The following IQSEC3 variants were observed in gnomAD, a reference collection of about 807,000 sequenced individuals.
IQSEC3 encodes IQ motif and Sec7 domain ArfGEF 3, also known as IQ motif and SEC7 domain-containing protein 3.
Under a neutral mutation model 105.4 loss-of-function variants are expected in IQSEC3, and 50 were observed. That is an observed-to-expected ratio of 0.47 (90% confidence interval 0.38 to 0.60). The LOEUF is 0.60. Among genes scored for constraint, IQSEC3 ranks in the 20% least tolerant of loss-of-function variants. The probability of loss-of-function intolerance (pLI) is 0.00; values close to 1 mark genes in which losing one functional copy is unlikely to be tolerated. For missense variants in IQSEC3, 1,415 were observed against 1,630.0 expected, an observed-to-expected ratio of 0.87 and a Z score of 2.27; for synonymous variants, 708 against 746.0, an observed-to-expected ratio of 0.95 and a Z score of 0.83.
chr12:87,978 C>A lies in IQSEC3; in HGVS notation c.555-11168C>A, dbSNP rs550375167. Among the ~76,000 whole-genome samples the A allele has an allele frequency of 1.2e-4, 18 of 152,296 alleles. No homozygotes were observed. In the South Asian group the frequency reaches 2.1e-3, roughly 18 times the overall value. ...CAGGAAGGATTCCCGCAGGCTTCAC[C>A]GAAAGGAGGACTATGGCGGGCCCTT... On this transcript the variant is annotated intron_variant, in intron 1 of 13. Coordinates refer to ENST00000538872, the MANE Select transcript of IQSEC3 (RefSeq NM_001170738.2).
At chr12:108,995 A>C (rs1864778526) in intron 2 of IQSEC3, among the ~76,000 whole-genome samples, 1 of 152,246 alleles carries the variant, frequency 6.6e-6, no homozygotes, top group Non-Finnish European at 1.5e-5. Context: ...CGTCAGCTGC[A>C]AGGGTCGCCC....
At position 174,655 on chromosome 12, in the gene IQSEC3, G is replaced by C. The variant is rs759561059; in HGVS notation, c.3171G>C (p.Glu1057Asp). Residue 1057 changes from glutamate (E) to aspartate (D), a missense_variant, in exon 14 of 14, where the codon GAG (glutamate) becomes GAC (aspartate). Transcript: ENST00000538872. ...AGCACAACTCCGGGCTGGGGGCCGAGAGGGGAGCGCCGGTGCCGCCGCCAG... is the reference window on the plus strand; with the variant it reads ...AGCACAACTCCGGGCTGGGGGCCGACAGGGGAGCGCCGGTGCCGCCGCCAG... ...TSQHNSGLGA[E>D]RGAPVPPPDL... 1.9e-6 allele frequency: 3 copies of C among 1,587,764 alleles called. No homozygotes were observed. Among genetic ancestry groups the C allele is most frequent in the South Asian group, 2.2e-5 (2 of 89,958 alleles).
At chr12:125,435 G>A (rs1033072268) in intron 2 of IQSEC3, among the ~76,000 whole-genome samples, 198 bp from the exon 3 acceptor site, 10 of 152,244 alleles carry the variant, frequency 6.6e-5, no homozygotes, top group Middle Eastern at 3.4e-3. Context: ...GCCTCCCCAG[G>A]TGCGGGTTCT....
At chr12:82,359 G>A (rs12831682) in intron 1 of IQSEC3, among the ~76,000 whole-genome samples, 10,059 of 152,284 alleles carry the variant, frequency 0.066, 497 homozygotes, top group Middle Eastern at 0.14. Context: ...CTAATAAAAT[G>A]TGTAAAAGAT....
intron 1 of IQSEC3, among the ~76,000 whole-genome samples, chr12:74,249 C>G (rs1863433583): frequency 1.3e-5 from 2 of 152,290 alleles, no homozygotes; most frequent in Non-Finnish European, 2.9e-5. Context: ...CTTTTCAGAA[C>G]TCTGAGGTCA....
intron 1 of IQSEC3, among the ~76,000 whole-genome samples, chr12:87,247 T>C (rs2136896412): frequency 6.6e-6 from 1 of 152,172 alleles, no homozygotes; most frequent in South Asian, 2.1e-4. Flanking sequence ...GGGATGGCTG[T>C]TTGTTCCTTT....
chr12:103,579 T>A (rs1230497657), intron 2 of IQSEC3, among the ~76,000 whole-genome samples: 1 of 644 alleles, frequency 1.6e-3, no homozygotes, highest in Non-Finnish European at 2.5e-3. Flanking sequence ...CAGGGGGAGG[T>A]GGGGGCTCAG....
At chr12:130,218 C>G (rs1291314713) in intron 3 of IQSEC3, among the ~76,000 whole-genome samples, 1 of 152,214 alleles carries the variant, frequency 6.6e-6, no homozygotes, top group African/African-American at 2.4e-5. Flanking sequence ...CAGTGGTGGG[C>G]AGACACGGGG....
At position 138,736 on chromosome 12, in the gene IQSEC3, G is replaced by T. The variant is rs782319971; in HGVS notation, c.1373G>T (p.Ser458Ile). ...GLEAEGRAPE[S>I]AGPGPGDDAA... ...GAGGCCGAGGGGCGGGCGCCGGAGA[G>T]CGCGGGCCCCGGGCCCGGGGATGAC... is the stretch of plus-strand genomic sequence containing the variant. The change falls in exon 4 of 14, where the codon AGC (serine) becomes ATC (isoleucine). Residue 458 changes from serine (S) to isoleucine (I), a missense_variant. Physicochemically the swap from Ser to Ile is moderately radical, Grantham distance 142. This residue lies in a region of IQSEC3 where 720 missense variants were observed against 633.0 expected (regional missense o/e 1.14). Coordinates refer to ENST00000538872, the MANE Select transcript of IQSEC3 (RefSeq NM_001170738.2). The surrounding 1 kb of genome is among the most constrained non-coding windows in gnomAD (Gnocchi z 7.1). 2.9e-5 allele frequency: 44 copies of T among 1,511,306 alleles called. No homozygotes were observed. The highest frequency in any genetic ancestry group is 3.7e-5 in the Non-Finnish European group (42 of 1,135,058). The allele number at this position is 1,511,306 out of a possible 1,614,324, so 93.6% of individuals were successfully genotyped here.
rs548813156 is a variant in IQSEC3, at chr12:122,258, G to C, written c.624-3375G>C. On this transcript the variant is annotated intron_variant, in intron 2 of 13. Transcript: ENST00000538872. ...CTTGATAGGCCGGCCTCTGCCCTGG[G>C]ATTCAAGCTCCTAGAGTGTCCAAGC... 2.0e-5 allele frequency among the ~76,000 whole-genome samples: 3 copies of C among 152,330 alleles called. No individual in the cohort carries two copies. In the East Asian group the frequency reaches 5.8e-4, roughly 29 times the overall value.
In IQSEC3 at chr12:175,431, C is replaced by T. The variant is rs1037120375; in HGVS notation, c.*398C>T. ...GGCAGCAGCATGAGGCTGGGCCGGC[C>T]GGCAGTGGAGCACTAGACAGAGTGG... On this transcript the variant is annotated 3_prime_UTR_variant, in exon 14 of 14. Coordinates refer to ENST00000538872, the MANE Select transcript of IQSEC3 (RefSeq NM_001170738.2). The T allele has an allele frequency of 1.1e-5, 2 of 186,380 alleles. No individual in the cohort carries two copies. The highest frequency in any genetic ancestry group is 2.4e-5 in the African/African-American group (1 of 42,506). 11.5% of individuals were successfully genotyped at this position (186,380 alleles called of 1,614,324 possible).
At chr12:71,293 G>T (rs1863307299) in intron 1 of IQSEC3, among the ~76,000 whole-genome samples, 1 of 152,406 alleles carries the variant, frequency 6.6e-6, no homozygotes, top group African/African-American at 2.4e-5. Context: ...AAGTGTGAAG[G>T]TCTGTCAGTC....
At chr12:135,224 T>A (rs1865725506) in intron 3 of IQSEC3, among the ~76,000 whole-genome samples, 1 of 152,228 alleles carries the variant, frequency 6.6e-6, no homozygotes, top group South Asian at 2.1e-4. Context: ...GACATTTTAG[T>A]GATCAGTTCC....
At chr12:68,469 C>CAGG (rs1407746238) in intron 1 of IQSEC3, among the ~76,000 whole-genome samples, 12 of 152,100 alleles carry the variant, frequency 7.9e-5, no homozygotes, top group Middle Eastern at 3.2e-3. Context: ...TTTCTTCACT[C>CAGG]AGGAGGTCCA....
chr12:96,928 T>G (rs1221316993), intron 1 of IQSEC3, among the ~76,000 whole-genome samples: 2 of 152,204 alleles, frequency 1.3e-5, no homozygotes, highest in African/African-American at 4.8e-5. Context: ...AGATAATGGG[T>G]CAGGGCAGCC....
intron 1 of IQSEC3, among the ~76,000 whole-genome samples, chr12:79,744 A>T (rs1469270241): frequency 1.3e-5 from 2 of 152,210 alleles, no homozygotes; most frequent in Non-Finnish European, 2.9e-5. Flanking sequence ...CTAGTACAAG[A>T]TTCAAAAGAA....
intron 2 of IQSEC3, among the ~76,000 whole-genome samples, chr12:104,588 T>G (rs1555077368): frequency 3.3e-5 from 5 of 152,230 alleles, no homozygotes; most frequent in Admixed American, 6.5e-5. Context: ...AGTCTGCATT[T>G]CCCACTTGGC....
chr12:177,506 G>C lies in IQSEC3; in HGVS notation c.*2473G>C, dbSNP rs1358299115. ...GCCCCAGGGCAGAGGCCCACCCCGT[G>C]GGTTGGTGCAGTGGCTGCCCTGGGC... On this transcript the variant is annotated 3_prime_UTR_variant, in exon 14 of 14. Transcript: ENST00000538872. This position sits in a 1 kb window ranked among gnomAD's most constrained non-coding sequence, Gnocchi z 5.3. 1 of 152,274 alleles carries C rather than the reference G, an allele frequency of 6.6e-6. No homozygotes were observed. Among genetic ancestry groups the C allele is most frequent in the Admixed American group, 6.5e-5 (1 of 15,286 alleles). 9.4% of individuals were successfully genotyped at this position (152,274 alleles called of 1,614,324 possible). A position where few individuals can be genotyped will look rare whatever the true frequency, so the allele number is the denominator to read the frequency against.
Position 66,923 on chromosome 12 carries a change from A to G in IQSEC3, c.41A>G (p.Tyr14Cys), listed in dbSNP as rs182407328. 2.3e-3 allele frequency: 3,346 copies of G among 1,435,110 alleles called. No individual in the cohort carries two copies. The highest frequency in any genetic ancestry group is 4.3e-3 in the Middle Eastern group (22 of 5,080). The allele number at this position is 1,435,110 out of a possible 1,614,324, so 88.9% of individuals were successfully genotyped here. A position where few individuals can be genotyped will look rare whatever the true frequency, so the allele number is the denominator to read the frequency against. Residue 14 changes from tyrosine to cysteine, a missense_variant, in exon 1 of 14, where the codon TAC becomes TGC. By Grantham distance (194) the Tyr-to-Cys change is radical. This residue lies in a region of IQSEC3 where 34 missense variants were observed against 80.3 expected (regional missense o/e 0.42). Coordinates refer to ENST00000538872, the MANE Select transcript of IQSEC3 (RefSeq NM_001170738.2). ...GAGAATCCGGTGCGCGCCGTGCTCT[A>G]CCTCAAGGAGCTCACGGCCATCGTG... ...LLENPVRAVLYLKELTAIVQN... is the reference protein window; with the variant it reads ...LLENPVRAVLCLKELTAIVQN...
Sources: gnomAD v4.1 joint callset for allele counts (sites outside exome capture counted in the v4.1 genomes callset) on GRCh38, gnomAD v4.1.1 for gene constraint, gnomAD v4.1.1 regional missense constraint, Gnocchi (gnomAD v3.1) non-coding constraint, MANE v1.5 for transcripts, NCBI Gene and HGNC (gene_info 2026-07-23, HGNC 2026-07-21) for gene names.